The following LINGO2 variants were observed in gnomAD, a reference collection of about 807,000 sequenced individuals.
LINGO2 encodes the protein leucine-rich repeat and immunoglobulin-like domain-containing nogo receptor-interacting protein 2.
Under a neutral mutation model 30.6 loss-of-function variants are expected in LINGO2, and 14 were observed. The ratio of observed to expected loss-of-function variants is 0.46; its 90% CI spans 0.30 to 0.72. The LOEUF is 0.72. Ranked by LOEUF, LINGO2 falls within the 30% of genes least tolerant of loss-of-function variation. The probability of loss-of-function intolerance (pLI) is 0.07; values close to 1 mark genes in which losing one functional copy is unlikely to be tolerated. For missense variants in LINGO2, 729 were observed against 751.7 expected, an observed-to-expected ratio of 0.97 and a Z score of 0.35; for synonymous variants, 317 against 288.5, an observed-to-expected ratio of 1.10 and a Z score of -1.00.
chr9:28,913,690 A>T, the LINGO2 span, among the ~76,000 whole-genome samples: 1 of 152,118 alleles, frequency 6.6e-6, no homozygotes, highest in East Asian at 1.9e-4. Context: ...CCAAAATTAA[A>T]GTCTCCCTTT....
chr9:28,767,083 G>A, the LINGO2 span, among the ~76,000 whole-genome samples: 1 of 151,192 alleles, frequency 6.6e-6, no homozygotes, highest in Non-Finnish European at 1.5e-5. Flanking sequence ...AGGTGTGGGG[G>A]AAGGTGGGGT....
the LINGO2 span, among the ~76,000 whole-genome samples, chr9:28,891,455 T>C: frequency 1.4e-5 from 2 of 146,910 alleles, no homozygotes; most frequent in Non-Finnish European, 3.0e-5. Flanking sequence ...TGCTAAAATC[T>C]TGAAGCAGGA....
chr9:28,311,964 G>C (rs1824639957), intron 3 of LINGO2, among the ~76,000 whole-genome samples: 1 of 152,012 alleles, frequency 6.6e-6, no homozygotes, highest in Non-Finnish European at 1.5e-5. Context: ...GTATTAATTT[G>C]GGGAACTAAT....
intron 2 of LINGO2, among the ~76,000 whole-genome samples, chr9:28,422,932 C>A (rs1823262377): frequency 6.6e-6 from 1 of 151,884 alleles, no homozygotes; most frequent in Admixed American, 6.6e-5. Context: ...CACAAAAGGA[C>A]AAATACCTTA....
intron 4 of LINGO2, among the ~76,000 whole-genome samples, chr9:28,028,846 T>C (rs1286247143): frequency 6.6e-6 from 1 of 152,138 alleles, no homozygotes; most frequent in African/African-American, 2.4e-5. Context: ...AGGGAAAGCA[T>C]ATATATAAGT....
the LINGO2 span, among the ~76,000 whole-genome samples, chr9:29,016,314 T>C: frequency 0.038 from 5,737 of 152,216 alleles, 180 homozygotes; most frequent in Admixed American, 0.075. Context: ...GGGATGCACA[T>C]CAGTCACTCA....
chr9:28,205,697 A>G (rs1820385693), intron 4 of LINGO2, among the ~76,000 whole-genome samples: 1 of 152,236 alleles, frequency 6.6e-6, no homozygotes. Context: ...TTTCGGTGAC[A>G]GAAATATTCT....
At chr9:27,968,883 T>C (rs1820224767) in intron 5 of LINGO2, among the ~76,000 whole-genome samples, 1 of 151,590 alleles carries the variant, frequency 6.6e-6, no homozygotes, top group African/African-American at 2.4e-5. Flanking sequence ...TATATAAAAT[T>C]ATAATTTCTC....
chr9:28,629,095 G>T (rs1053133046), intron 1 of LINGO2, among the ~76,000 whole-genome samples: 2 of 152,078 alleles, frequency 1.3e-5, no homozygotes, highest in Admixed American at 6.6e-5. Context: ...CATCCAAGTA[G>T]GCATGAAACT....
chr9:29,071,221 C>T, the LINGO2 span, among the ~76,000 whole-genome samples: 1 of 143,892 alleles, frequency 6.9e-6, no homozygotes, highest in African/African-American at 2.7e-5. Flanking sequence ...GACAGGGTTT[C>T]ATACTGTCAC....
the LINGO2 span, among the ~76,000 whole-genome samples, chr9:28,805,497 T>A: frequency 6.6e-6 from 1 of 152,186 alleles, no homozygotes; most frequent in Non-Finnish European, 1.5e-5. Flanking sequence ...CCCCTAAGAT[T>A]TGGGTGGCTA....
chr9:28,544,118 A>C (rs1049054749), intron 1 of LINGO2, among the ~76,000 whole-genome samples: 24 of 151,896 alleles, frequency 1.6e-4, no homozygotes, highest in African/African-American at 5.6e-4. Context: ...CACAAGTATC[A>C]TTTGAACCCG....
intron 1 of LINGO2, among the ~76,000 whole-genome samples, chr9:28,565,276 C>A (rs1004393084): frequency 6.6e-6 from 1 of 151,746 alleles, no homozygotes; most frequent in South Asian, 2.1e-4. Flanking sequence ...CAAGCTCCGC[C>A]TCCTGGGTTC....
chr9:28,212,360 GA>G (rs1820621159), intron 4 of LINGO2, among the ~76,000 whole-genome samples: 1 of 151,354 alleles, frequency 6.6e-6, no homozygotes, highest in Non-Finnish European at 1.5e-5. Context: ...CATGGCAAAT[GA>G]GGGGCAGAGT....
At chr9:28,140,591 C>A (rs1827644368) in intron 4 of LINGO2, among the ~76,000 whole-genome samples, 1 of 152,202 alleles carries the variant, frequency 6.6e-6, no homozygotes. Flanking sequence ...CTATCTTCAT[C>A]TGGCAAATTC....
intron 4 of LINGO2, among the ~76,000 whole-genome samples, chr9:28,285,871 A>G (rs1823489788): frequency 6.6e-6 from 1 of 152,212 alleles, no homozygotes; most frequent in African/African-American, 2.4e-5. Context: ...AATTCTACCC[A>G]GTAGTACATA....
the LINGO2 span, among the ~76,000 whole-genome samples, chr9:28,878,488 T>A: frequency 6.6e-6 from 1 of 152,178 alleles, no homozygotes; most frequent in South Asian, 2.1e-4. Context: ...ACTCATTTTA[T>A]GAGGCCAGCA....
chr9:27,997,964 G>A lies in LINGO2; in HGVS notation c.-36+14391C>T, dbSNP rs113846369. Among the ~76,000 whole-genome samples, 381 of 151,220 alleles carry A rather than the reference G, an allele frequency of 2.5e-3. 3 individuals are homozygous for A. The highest frequency in any genetic ancestry group is 8.5e-3 in the African/African-American group (350 of 41,202). On this transcript the variant is annotated intron_variant, in intron 5 of 5. Transcript: ENST00000379992. ...ACATGAGCCTTTTTTTGGGGTGGGA[G>A]GGGGGGAGGTGGACACCAGTCTGAA...
the LINGO2 span, among the ~76,000 whole-genome samples, chr9:28,836,273 G>C: frequency 6.6e-6 from 1 of 152,166 alleles, no homozygotes; most frequent in Non-Finnish European, 1.5e-5. Context: ...TCTCAGCATG[G>C]AGGCTTGCAG....
Sources: gnomAD v4.1 joint callset for allele counts (sites outside exome capture counted in the v4.1 genomes callset) on GRCh38, gnomAD v4.1.1 for gene constraint, MANE v1.5 for transcripts, NCBI Gene and HGNC (gene_info 2026-07-23, HGNC 2026-07-21) for gene names.